FAM78A: variants seen among roughly 807,000 people sequenced by gnomAD.
FAM78A encodes protein FAM78A.
FAM78A carries 12 observed loss-of-function variants against 22.6 expected under a neutral mutation model. That is an observed-to-expected ratio of 0.53 (90% CI 0.34 to 0.86). FAM78A has a LOEUF of 0.86. FAM78A is among the 40% of genes least tolerant of loss of function. The pLI is 0.02. For synonymous variants in FAM78A, 151 were observed against 155.8 expected, an observed-to-expected ratio of 0.97 and a Z score of 0.23; for missense variants, 322 against 396.1, an observed-to-expected ratio of 0.81 and a Z score of 1.59.
At chr9:131,268,892 CAAA>C (rs35244977) in intron 1 of FAM78A, among the ~76,000 whole-genome samples, 1 of 134,110 alleles carries the variant, frequency 7.5e-6, no homozygotes. Context: ...GACTCCGTCT[CAAA>C]AAAAAAAAAA....
chr9:131,261,098 C>T lies in FAM78A; in HGVS notation c.576G>A (p.Trp192Ter). The T allele has an allele frequency of 6.2e-7, 1 of 1,614,138 alleles. No homozygotes were observed. Among genetic ancestry groups the T allele is most frequent in the Non-Finnish European group, 8.5e-7 (1 of 1,179,978 alleles). ...NIYRDQSFTT[W>*]LVATNTSTND... is the part of the protein sequence containing the mutation. ...TGGTGGAGGTGTTGGTGGCCACCAG[C>T]CAGGTGGTGAAGCTCTGGTCCCGGT... Residue 192 changes from tryptophan (W) to a stop codon, truncating the protein, a stop_gained, in exon 2 of 2, where the codon TGG becomes TGA. Coordinates refer to ENST00000372271, the MANE Select transcript of FAM78A (RefSeq NM_033387.4). LOFTEE classifies it high-confidence loss of function. This position sits in a 1 kb window ranked among gnomAD's most constrained non-coding sequence, Gnocchi z 7.1.
At chr9:131,267,615 T>C (rs369200884) in intron 1 of FAM78A, among the ~76,000 whole-genome samples, 9 of 152,328 alleles carry the variant, frequency 5.9e-5, no homozygotes, top group Non-Finnish European at 1.3e-4. Context: ...TATACAGATA[T>C]ATGTTCTAAT....
In FAM78A at chr9:131,261,651, C is replaced by T. The variant is rs1835271749; in HGVS notation, c.324-301G>A. Among the ~76,000 whole-genome samples the T allele has an allele frequency of 6.6e-6, 1 of 152,124 alleles. No individual in the cohort carries two copies. The highest frequency in any genetic ancestry group is 2.1e-4 in the South Asian group (1 of 4,822). ...CATGGATATAGTAGCATCTGGGAGCCCACCCCAGACTGTAGGGGCCCCTTA... is the reference window on the plus strand; with the variant it reads ...CATGGATATAGTAGCATCTGGGAGCTCACCCCAGACTGTAGGGGCCCCTTA... On this transcript the variant is annotated intron_variant, in intron 1 of 1. Transcript: ENST00000372271. This position sits in a 1 kb window ranked among gnomAD's most constrained non-coding sequence, Gnocchi z 7.1.
upstream of FAM78A, among the ~76,000 whole-genome samples, chr9:131,278,004 G>T (rs1313694423): frequency 6.9e-6 from 1 of 145,922 alleles, no homozygotes; most frequent in Non-Finnish European, 1.5e-5. Flanking sequence ...CGCAGGGACC[G>T]CCGCCCGCTC....
At position 131,270,353 on chromosome 9, in the gene FAM78A, C is replaced by T. The variant is rs899972088; in HGVS notation, c.323+5504G>A. ...ACGCTTCCTTCCCCCAAACACTGGG[C>T]ACGACTGATCTTTTTCAATGCACCC... On this transcript the variant is annotated intron_variant, in intron 1 of 1. Transcript: ENST00000372271. The T allele has an allele frequency of 1.4e-5, 10 of 717,492 alleles. No individual in the cohort carries two copies. In the African/African-American group the frequency reaches 1.6e-4, roughly 11 times the overall value. 44.4% of individuals were successfully genotyped at this position (717,492 alleles called of 1,614,324 possible).
chr9:131,261,039 C>A lies in FAM78A; in HGVS notation c.635G>T (p.Arg212Leu), dbSNP rs1325823077. The A allele has an allele frequency of 6.2e-7, 1 of 1,614,110 alleles. No individual in the cohort carries two copies. Among genetic ancestry groups the A allele is most frequent in the Non-Finnish European group, 8.5e-7 (1 of 1,180,002 alleles). Reference sequence around the variant, plus strand: ...GTTCACCTCGATGCTGAGCTGCATGCGCCAGTGCAGCGTCTGCAGGATGAT... The same window carrying A: ...GTTCACCTCGATGCTGAGCTGCATGAGCCAGTGCAGCGTCTGCAGGATGAT... Reference protein sequence around the residue: ...DMIILQTLHWRMQLSIEVNPN... With the variant: ...DMIILQTLHWLMQLSIEVNPN... Residue 212 changes from arginine to leucine, a missense_variant, in exon 2 of 2, where the codon CGC becomes CTC. By Grantham distance (102) the Arg-to-Leu change is moderately radical. Transcript: ENST00000372271. The surrounding 1 kb of genome is among the most constrained non-coding windows in gnomAD (Gnocchi z 7.1).
intron 1 of FAM78A, chr9:131,264,726 CTTTTT>C: frequency 7.1e-6 from 4 of 562,224 alleles, no homozygotes; most frequent in Non-Finnish European, 9.6e-6. Flanking sequence ...CTTTTCTGAC[CTTTTT>C]TTTTTTTTTT....
intron 1 of FAM78A, among the ~76,000 whole-genome samples, chr9:131,270,999 G>GCCTTTTTTTTTTTTTTTTTTTTT (rs1311041330): frequency 7.6e-6 from 1 of 131,964 alleles, no homozygotes. Flanking sequence ...TTTCCCACCA[G>GCCTTTTTTTTTTTTTTTTTTTTT]TCTTTTTTTT....
intron 1 of FAM78A, among the ~76,000 whole-genome samples, chr9:131,267,369 G>A (rs955166095): frequency 5.3e-5 from 8 of 152,224 alleles, no homozygotes; most frequent in Non-Finnish European, 7.4e-5. Context: ...TCGCCTGTAC[G>A]AAAAACTTAA....
chr9:131,268,051 C>CA (rs397894549), intron 1 of FAM78A, among the ~76,000 whole-genome samples: 1,403 of 52,034 alleles, frequency 0.027, 16 homozygotes, highest in Non-Finnish European at 0.031. Flanking sequence ...GACTCTGTCT[C>CA]AAAAAAAAAA....
chr9:131,271,030 T>C (rs1407290248), intron 1 of FAM78A, among the ~76,000 whole-genome samples: 1 of 140,430 alleles, frequency 7.1e-6, no homozygotes, highest in Non-Finnish European at 1.5e-5. Context: ...TTTTGAGATG[T>C]GGTCTCACTC....
upstream of FAM78A, among the ~76,000 whole-genome samples, chr9:131,279,450 T>C (rs140955258): frequency 2.3e-3 from 343 of 152,338 alleles, 3 homozygotes; most frequent in East Asian, 9.8e-3. Flanking sequence ...ACTTTTGAGA[T>C]GTCTGTTTCA....
intron 1 of FAM78A, chr9:131,264,420 T>A: frequency 1.7e-6 from 1 of 588,532 alleles, no homozygotes; most frequent in South Asian, 2.1e-5. Flanking sequence ...CACCTGGGGG[T>A]TGCAGCGGGT....
intron 1 of FAM78A, among the ~76,000 whole-genome samples, chr9:131,263,250 A>AAG (rs1835297092): frequency 6.6e-6 from 1 of 150,662 alleles, no homozygotes; most frequent in African/African-American, 2.4e-5. Flanking sequence ...AAAAAAAAAA[A>AAG]AAAAGAAAAA....
rs1189753102 is a variant in FAM78A at position 131,259,502 on chromosome 9, C to T, written c.*1320G>A. ...TGAGGACAGGAAGCAGGGGCTCGGC[C>T]GACTGCCTCCCAAGACTTCCCTAGA... On this transcript the variant is annotated 3_prime_UTR_variant, in exon 2 of 2. Transcript: ENST00000372271. 3 of 152,302 alleles carry T rather than the reference C, an allele frequency of 2.0e-5. No individual in the cohort carries two copies. Among genetic ancestry groups the T allele is most frequent in the Non-Finnish European group, 4.4e-5 (3 of 68,088 alleles). The allele number at this position is 152,302 out of a possible 1,614,324, so 9.4% of individuals were successfully genotyped here. A position where few individuals can be genotyped will look rare whatever the true frequency, so the allele number is the denominator to read the frequency against.
rs1835432866 is a variant in FAM78A, at chr9:131,272,470, C to G, written c.323+3387G>C. On this transcript the variant is annotated intron_variant, in intron 1 of 1. Coordinates refer to ENST00000372271, the MANE Select transcript of FAM78A (RefSeq NM_033387.4). The surrounding 1 kb of genome is among the most constrained non-coding windows in gnomAD (Gnocchi z 4.1). ...CCATGCACAGGACACCCCCCACCAG[C>G]ACAGACAGAATTACCTGACCCTGGG... Among the ~76,000 whole-genome samples the G allele has an allele frequency of 6.6e-6, 1 of 152,222 alleles. No individual in the cohort carries two copies. Among genetic ancestry groups the G allele is most frequent in the African/African-American group, 2.4e-5 (1 of 41,452 alleles).
In FAM78A at chr9:131,275,827, T is replaced by C. The variant is rs1835475529; in HGVS notation, c.323+30A>G. ...CTCCAAGCTCGGCCATCCCTAGCAG[T>C]TCCCAGAGCTGGCTCTCGGCCGTAC... On this transcript the variant is annotated intron_variant, in intron 1 of 1. Coordinates refer to ENST00000372271, the MANE Select transcript of FAM78A (RefSeq NM_033387.4). The surrounding 1 kb of genome is among the most constrained non-coding windows in gnomAD (Gnocchi z 4.6). 3 of 1,545,560 alleles carry C rather than the reference T, an allele frequency of 1.9e-6. No individual in the cohort carries two copies. The highest frequency in any genetic ancestry group is 1.2e-5 in the South Asian group (1 of 80,084).
upstream of FAM78A, among the ~76,000 whole-genome samples, chr9:131,278,937 G>A (rs1012125278): frequency 6.6e-6 from 1 of 152,246 alleles, no homozygotes; most frequent in Non-Finnish European, 1.5e-5. Flanking sequence ...TGGAGGGACC[G>A]AGGGGCTGGC....
Position 131,272,841 on chromosome 9 carries a change from G to T in FAM78A, c.323+3016C>A, listed in dbSNP as rs1835436984. The stretch of plus-strand genomic sequence containing the variant: ...AGCTACTCTGGAGGCTGGAGCCGGA[G>T]AATCACTTGAACCCGGGAGGCAGAG... On this transcript the variant is annotated intron_variant, in intron 1 of 1. Coordinates refer to ENST00000372271, the MANE Select transcript of FAM78A (RefSeq NM_033387.4). This position sits in a 1 kb window ranked among gnomAD's most constrained non-coding sequence, Gnocchi z 4.1. 6.6e-6 allele frequency among the ~76,000 whole-genome samples: 1 copy of T among 152,144 alleles called. No homozygotes were observed. Among genetic ancestry groups the T allele is most frequent in the African/African-American group, 2.4e-5 (1 of 41,398 alleles).
Sources: gnomAD v4.1 joint callset for allele counts (sites outside exome capture counted in the v4.1 genomes callset) on GRCh38, gnomAD v4.1.1 for gene constraint, Gnocchi (gnomAD v3.1) non-coding constraint, MANE v1.5 for transcripts, NCBI Gene and HGNC (gene_info 2026-07-23, HGNC 2026-07-21) for gene names.